The following CSTF3 variants were observed in gnomAD, a reference collection of about 807,000 sequenced individuals.
CSTF3 encodes CF-1 77 kDa subunit.
Under a neutral mutation model 105.8 loss-of-function variants are expected in CSTF3, and 29 were observed. The ratio of observed to expected loss-of-function variants is 0.27; its 90% CI spans 0.20 to 0.37. The LOEUF (loss-of-function observed/expected upper bound fraction) is 0.37. Among genes scored for constraint, CSTF3 ranks in the 10% least tolerant of loss-of-function variants. The pLI, the probability that CSTF3 is intolerant of heterozygous loss-of-function variation, is 1.00. For missense variants in CSTF3, 357 were observed against 879.3 expected, an observed-to-expected ratio of 0.41 and a Z score of 7.51; for synonymous variants, 252 against 281.9, an observed-to-expected ratio of 0.89 and a Z score of 1.06.
At chr11:33,123,468 T>A (rs1271778994) in intron 3 of CSTF3, among the ~76,000 whole-genome samples, 1 of 152,084 alleles carries the variant, frequency 6.6e-6, no homozygotes, top group Non-Finnish European at 1.5e-5. Flanking sequence ...AAAATTCAAA[T>A]AAACCCCATA....
chr11:33,085,660 C>T lies in CSTF3; in HGVS notation c.1951+53G>A, dbSNP rs183092700. On this transcript the variant is annotated intron_variant, in intron 20 of 20. Transcript: ENST00000323959. ...GGCAGAGAATAATAATCTCTACTGC[C>T]TATGAGACAACAACGTGGAATGACA... The T allele has an allele frequency of 4.4e-5, 64 of 1,452,114 alleles. No individual in the cohort carries two copies. In the East Asian group the frequency reaches 1.2e-3, roughly 27 times the overall value. The allele number at this position is 1,452,114 out of a possible 1,614,324, so 90.0% of individuals were successfully genotyped here.
Position 33,085,177 on chromosome 11 carries a change from G to T in CSTF3, c.2064C>A (p.Asn688Lys). ...AVLTKAVKRP[N>K]EDSDEDEEKG... The stretch of plus-strand genomic sequence containing the variant: ...TTTCTTCATCTTCATCTGAATCCTC[G>T]TTGGGCCTTTTGACGGCCTTGGTGA... The change falls in exon 21 of 21, where the codon AAC becomes AAA. Residue 688 changes from asparagine to lysine, a missense_variant. Transcript: ENST00000323959. 1.2e-6 allele frequency: 2 copies of T among 1,614,116 alleles called. No homozygotes were observed. The highest frequency in any genetic ancestry group is 8.5e-7 in the Non-Finnish European group (1 of 1,180,016).
chr11:33,105,434 A>G (rs1855317359), intron 8 of CSTF3, 133 bp downstream of exon 8: 1 of 864,206 alleles, frequency 1.2e-6, no homozygotes. Flanking sequence ...TTGCAAAAAC[A>G]TTATAGTGCT....
rs190807245 is a variant in CSTF3 at position 33,155,128 on chromosome 11, G to A, written c.27+6171C>T. On this transcript the variant is annotated intron_variant, in intron 1 of 20. Coordinates refer to ENST00000323959, the MANE Select transcript of CSTF3 (RefSeq NM_001326.3). Reference sequence around the variant, plus strand: ...TCCCAGCGCTTTGGAAGGCCAAGGCGGGCGGATCATGAGGTCAGGAGATCA... The same window carrying A: ...TCCCAGCGCTTTGGAAGGCCAAGGCAGGCGGATCATGAGGTCAGGAGATCA... Among the ~76,000 whole-genome samples the A allele has an allele frequency of 9.0e-3, 1,362 of 151,960 alleles. 5 individuals are homozygous for A. The highest frequency in any genetic ancestry group is 0.013 in the Non-Finnish European group (885 of 67,974).
chr11:33,109,871 T>C (rs1283460673), intron 3 of CSTF3, among the ~76,000 whole-genome samples: 1 of 152,174 alleles, frequency 6.6e-6, no homozygotes. Flanking sequence ...TCTGTTATCT[T>C]TACCCTTCCT....
intron 3 of CSTF3, among the ~76,000 whole-genome samples, chr11:33,109,917 C>T (rs1016967820): frequency 1.3e-5 from 2 of 152,110 alleles, no homozygotes; most frequent in African/African-American, 4.8e-5. Context: ...ATAGTTTGTC[C>T]AGTAGATTCC....
chr11:33,117,575 A>G (rs2133784684), intron 3 of CSTF3, among the ~76,000 whole-genome samples: 1 of 152,110 alleles, frequency 6.6e-6, no homozygotes, highest in South Asian at 2.1e-4. Context: ...CTTAAAGATG[A>G]GAAAACTGAG....
At chr11:33,090,445 T>G (rs1471616360) in intron 17 of CSTF3, 87 bp downstream of exon 17, 1 of 788,040 alleles carries the variant, frequency 1.3e-6, no homozygotes, top group African/African-American at 1.8e-5. Context: ...GATTCACATT[T>G]CAGAATTTAG....
At chr11:33,159,049 C>A (rs1236414675) in intron 1 of CSTF3, among the ~76,000 whole-genome samples, 2 of 152,102 alleles carry the variant, frequency 1.3e-5, no homozygotes, top group Non-Finnish European at 2.9e-5. Flanking sequence ...TTTAGAAATA[C>A]TATTTTCTTG....
rs139326595 is a variant in CSTF3 at position 33,153,629 on chromosome 11, T to C, written c.27+7670A>G. Among the ~76,000 whole-genome samples the C allele has an allele frequency of 8.0e-5, 12 of 149,830 alleles. No individual in the cohort carries two copies. The East Asian group carries it at 2.1e-3, about 27-fold the overall frequency. ...CTGCAGCCTGGGCAACAGAGCAAGA[T>C]CTCATCTCTAAAAAAAATAGTAATA... On this transcript the variant is annotated intron_variant, in intron 1 of 20. Transcript: ENST00000323959.
At chr11:33,159,036 G>C (rs1230960604) in intron 1 of CSTF3, among the ~76,000 whole-genome samples, 1 of 152,092 alleles carries the variant, frequency 6.6e-6, no homozygotes, top group African/African-American at 2.4e-5. Flanking sequence ...TAAAGAACTA[G>C]ATTTTAGAAA....
intron 3 of CSTF3, among the ~76,000 whole-genome samples, chr11:33,136,737 G>GCTTA: frequency 6.6e-6 from 1 of 151,944 alleles, no homozygotes; most frequent in Non-Finnish European, 1.5e-5. Flanking sequence ...ATTATGAGGG[G>GCTTA]CTTACATGTT....
intron 3 of CSTF3, among the ~76,000 whole-genome samples, chr11:33,135,313 C>A (rs1308005616): frequency 6.6e-6 from 1 of 152,072 alleles, no homozygotes; most frequent in Non-Finnish European, 1.5e-5. Context: ...AAAAGCAAGC[C>A]AGGAGACTAA....
At chr11:33,093,631 A>T (rs1855189977) in intron 15 of CSTF3, among the ~76,000 whole-genome samples, 1 of 151,400 alleles carries the variant, frequency 6.6e-6, no homozygotes, top group Non-Finnish European at 1.5e-5. Flanking sequence ...GATAGTTTAC[A>T]TTTTTTTTTG....
At chr11:33,146,290 G>A (rs759098428) in intron 1 of CSTF3, among the ~76,000 whole-genome samples, 3 of 151,966 alleles carry the variant, frequency 2.0e-5, no homozygotes, top group East Asian at 1.9e-4. Flanking sequence ...ATAAATGTCC[G>A]ATTCTGAATT....
chr11:33,135,469 A>T (rs1855644065), intron 3 of CSTF3, among the ~76,000 whole-genome samples: 1 of 152,134 alleles, frequency 6.6e-6, no homozygotes, highest in South Asian at 2.1e-4. Flanking sequence ...TCCTCTAGAG[A>T]TTGAGTCAGC....
At chr11:33,138,673 CT>C (rs922326903) in intron 3 of CSTF3, among the ~76,000 whole-genome samples, 2 of 151,840 alleles carry the variant, frequency 1.3e-5, no homozygotes, top group Non-Finnish European at 3.0e-5. Flanking sequence ...AAACTTTATA[CT>C]TGATAACTAT....
chr11:33,104,066 A>G (rs1463037684), intron 8 of CSTF3, among the ~76,000 whole-genome samples: 1 of 152,142 alleles, frequency 6.6e-6, no homozygotes, highest in African/African-American at 2.4e-5. Flanking sequence ...GCCTCAGGCA[A>G]TCCTCCCACT....
At chr11:33,120,515 G>A (rs1272962426) in intron 3 of CSTF3, among the ~76,000 whole-genome samples, 1 of 151,536 alleles carries the variant, frequency 6.6e-6, no homozygotes, top group Non-Finnish European at 1.5e-5. Flanking sequence ...ACTTCATTAT[G>A]CTTGCCTTTT....
Sources: gnomAD v4.1 joint callset for allele counts (sites outside exome capture counted in the v4.1 genomes callset) on GRCh38, gnomAD v4.1.1 for gene constraint, MANE v1.5 for transcripts, NCBI Gene and HGNC (gene_info 2026-07-23, HGNC 2026-07-21) for gene names.